The following RCOR1 variants were observed in gnomAD, a reference collection of about 807,000 sequenced individuals.
The protein encoded by RCOR1 is REST corepressor 1.
Under a neutral mutation model 64.0 loss-of-function variants are expected in RCOR1, and 12 were observed. That is an observed-to-expected ratio of 0.19 (90% CI 0.12 to 0.30). RCOR1 has a LOEUF of 0.30. Among genes scored for constraint, RCOR1 ranks in the 10% least tolerant of loss-of-function variants. The probability of loss-of-function intolerance (pLI) is 1.00; values close to 1 mark genes in which losing one functional copy is unlikely to be tolerated. For synonymous variants in RCOR1, 279 were observed against 227.2 expected (o/e 1.23, Z -2.05); for missense variants, 502 against 621.2 (o/e 0.81, Z 2.04).
At chr14:102,656,572 A>G (rs1347212070) in intron 2 of RCOR1, among the ~76,000 whole-genome samples, 1 of 151,734 alleles carries the variant, frequency 6.6e-6, no homozygotes, top group African/African-American at 2.4e-5. Context: ...GGTTCAAGCA[A>G]TTCTCCTGTT....
At chr14:102,605,581 G>A (rs1191770911) in intron 2 of RCOR1, among the ~76,000 whole-genome samples, 2 of 152,142 alleles carry the variant, frequency 1.3e-5, no homozygotes, top group Non-Finnish European at 2.9e-5. Context: ...CTACTGCACT[G>A]CCAGTCTTAC....
intron 2 of RCOR1, among the ~76,000 whole-genome samples, chr14:102,639,455 T>G (rs1190338): frequency 0.8 from 118,742 of 149,304 alleles, 47,493 homozygotes; most frequent in Middle Eastern, 0.87. Flanking sequence ...TGGGAATACA[T>G]GTATGCATCA....
chr14:102,694,772 A>G (rs1895610599), intron 3 of RCOR1, among the ~76,000 whole-genome samples: 6 of 152,184 alleles, frequency 3.9e-5, no homozygotes, highest in Admixed American at 3.9e-4. Context: ...ATTTAAGCTC[A>G]TTTTGATTCT....
At chr14:102,653,990 T>C (rs1412414172) in intron 2 of RCOR1, among the ~76,000 whole-genome samples, 5 of 119,092 alleles carry the variant, frequency 4.2e-5, no homozygotes, top group African/African-American at 7.2e-5. Context: ...TTTCTTTTTT[T>C]TTTTTTTTTT....
intron 3 of RCOR1, among the ~76,000 whole-genome samples, chr14:102,692,740 C>CCTTCCTTT (rs1555466545): frequency 1.3e-4 from 19 of 142,358 alleles, no homozygotes; most frequent in Non-Finnish European, 2.4e-4. Context: ...TTCCTTCCTT[C>CCTTCCTTT]CTTCCTTCCT....
chr14:102,708,547 G>A lies in RCOR1; in HGVS notation c.743G>A (p.Arg248His), dbSNP rs1269325136. ...AGGACTAAAACTAGTGTGATGGATCGCCATGCCCGGAAACAAAAACGGGAG... is the reference window on the plus strand; with the variant it reads ...AGGACTAAAACTAGTGTGATGGATCACCATGCCCGGAAACAAAAACGGGAG... The part of the protein sequence containing the change: ...KTRTKTSVMD[R>H]HARKQKRERE... The change falls in exon 6 of 12, where the codon CGC becomes CAC. Residue 248 changes from arginine to histidine, a missense_variant. Physicochemically the swap from Arg to His is conservative, Grantham distance 29 (BLOSUM62 0). Coordinates refer to ENST00000262241, the MANE Select transcript of RCOR1 (RefSeq NM_015156.4). The A allele has an allele frequency of 4.3e-6, 7 of 1,611,868 alleles. No individual in the cohort carries two copies. The highest frequency in any genetic ancestry group is 1.7e-4 in the Middle Eastern group (1 of 6,044).
intron 2 of RCOR1, among the ~76,000 whole-genome samples, chr14:102,602,721 T>C (rs1893429147): frequency 6.6e-6 from 1 of 152,186 alleles, no homozygotes; most frequent in Non-Finnish European, 1.5e-5. Flanking sequence ...CTTTCTTTTT[T>C]TGTAGACTTG....
chr14:102,727,014 TA>T lies in RCOR1; in HGVS notation c.*510del, dbSNP rs1896280084. On this transcript the variant is annotated 3_prime_UTR_variant, in exon 12 of 12. Coordinates refer to ENST00000262241, the MANE Select transcript of RCOR1 (RefSeq NM_015156.4). Reference sequence around the variant, plus strand: ...AGTGATAATACGCTTTTTTGGAAACTAATATATATTGCCAGACTGCATCATA... The same window carrying T: ...AGTGATAATACGCTTTTTTGGAAACTATATATATTGCCAGACTGCATCATA... 1 of 154,026 alleles carries T rather than the reference TA, an allele frequency of 6.5e-6. No individual in the cohort carries two copies. Among genetic ancestry groups the T allele is most frequent in the Admixed American group, 6.5e-5 (1 of 15,316 alleles). The allele number at this position is 154,026 out of a possible 1,614,324, so 9.5% of individuals were successfully genotyped here. A position where few individuals can be genotyped will look rare whatever the true frequency, so the allele number is the denominator to read the frequency against.
At chr14:102,662,554 C>A in intron 2 of RCOR1, 1 of 484,308 alleles carries the variant, frequency 2.1e-6, no homozygotes. Flanking sequence ...CCTGGAGTCG[C>A]AGTGTTTTGG....
At position 102,592,868 on chromosome 14, in the gene RCOR1, A is replaced by AC; in HGVS notation, c.-18dup. On this transcript the variant is annotated 5_prime_UTR_variant, in exon 1 of 12. Coordinates refer to ENST00000262241, the MANE Select transcript of RCOR1 (RefSeq NM_015156.4). ...AGCCGCGGGTCCCCGCCACTTTCGC[A>AC]CGGCCCCGGCCCCCGCCGATGCCGG... The AC allele has an allele frequency of 8.5e-7, 1 of 1,181,558 alleles. No individual in the cohort carries two copies. The highest frequency in any genetic ancestry group is 1.0e-6 in the Non-Finnish European group (1 of 958,638). 73.2% of individuals were successfully genotyped at this position (1,181,558 alleles called of 1,614,324 possible). A position where few individuals can be genotyped will look rare whatever the true frequency, so the allele number is the denominator to read the frequency against.
chr14:102,597,392 G>C (rs1389149468), intron 2 of RCOR1, among the ~76,000 whole-genome samples: 1 of 147,448 alleles, frequency 6.8e-6, no homozygotes, highest in East Asian at 2.1e-4. Context: ...GCAGTGGCAT[G>C]ATCTCAGCTC....
chr14:102,705,473 C>G (rs1451285222), intron 4 of RCOR1, among the ~76,000 whole-genome samples: 1 of 152,168 alleles, frequency 6.6e-6, no homozygotes, highest in African/African-American at 2.4e-5. Context: ...GAGACAAGGT[C>G]TTGCTCTGTC....
At chr14:102,689,225 G>A (rs1014780624) in intron 3 of RCOR1, among the ~76,000 whole-genome samples, 4 of 152,164 alleles carry the variant, frequency 2.6e-5, no homozygotes, top group South Asian at 2.1e-4. Flanking sequence ...ACCCAGGCAC[G>A]TGTGGTTAAA....
intron 2 of RCOR1, among the ~76,000 whole-genome samples, chr14:102,613,647 C>G (rs1190522520): frequency 6.6e-6 from 1 of 151,152 alleles, no homozygotes. Context: ...GTCTCGATCT[C>G]CTGACCTCGT....
intron 2 of RCOR1, among the ~76,000 whole-genome samples, chr14:102,631,688 A>G (rs1265434844): frequency 1.3e-5 from 2 of 152,292 alleles, no homozygotes; most frequent in East Asian, 3.9e-4. Flanking sequence ...AGTTCTCCTA[A>G]TGTGAAAATG....
At chr14:102,699,822 A>G (rs1895720618) in intron 3 of RCOR1, among the ~76,000 whole-genome samples, 1 of 151,934 alleles carries the variant, frequency 6.6e-6, no homozygotes, top group Non-Finnish European at 1.5e-5. Context: ...ATGCATGAAC[A>G]TATGGCAGTG....
At chr14:102,688,144 T>G (rs1205282608) in intron 3 of RCOR1, among the ~76,000 whole-genome samples, 1 of 152,118 alleles carries the variant, frequency 6.6e-6, no homozygotes, top group African/African-American at 2.4e-5. Context: ...TTGTGTGTTT[T>G]TAGTAGAGAC....
At chr14:102,689,143 A>G (rs1328903495) in intron 3 of RCOR1, among the ~76,000 whole-genome samples, 1 of 152,208 alleles carries the variant, frequency 6.6e-6, no homozygotes, top group Non-Finnish European at 1.5e-5. Context: ...AGAGTTTAAA[A>G]TATATGTAGA....
chr14:102,693,937 C>G (rs937588291), intron 3 of RCOR1, among the ~76,000 whole-genome samples: 1 of 151,952 alleles, frequency 6.6e-6, no homozygotes, highest in African/African-American at 2.4e-5. Flanking sequence ...GTAATCCTCC[C>G]GTCTTGGCTT....
Sources: gnomAD v4.1 joint callset for allele counts (sites outside exome capture counted in the v4.1 genomes callset) on GRCh38, gnomAD v4.1.1 for gene constraint, MANE v1.5 for transcripts, NCBI Gene and HGNC (gene_info 2026-07-23, HGNC 2026-07-21) for gene names.